SLC25A40: variants seen among roughly 807,000 people sequenced by gnomAD.
SLC25A40 encodes the protein mitochondrial glutathione transporter SLC25A40.
SLC25A40 carries 41 observed loss-of-function variants against 46.5 expected under a neutral mutation model. The observed-to-expected ratio is 0.88, with a 90% confidence interval of 0.69 to 1.14. SLC25A40 has a LOEUF of 1.14. SLC25A40 is among the 50% of genes most tolerant of loss of function. The pLI, the probability that SLC25A40 is intolerant of heterozygous loss-of-function variation, is 0.00. For missense variants in SLC25A40, 386 were observed against 393.6 expected (o/e 0.98, Z 0.16); for synonymous variants, 126 against 127.5 (o/e 0.99, Z 0.08).
At chr7:87,859,101 A>T (rs551735260) in intron 2 of SLC25A40, among the ~76,000 whole-genome samples, 5 of 152,352 alleles carry the variant, frequency 3.3e-5, no homozygotes, top group African/African-American at 9.6e-5. Context: ...AAACATAAAA[A>T]GTTTTAAAAA....
chr7:87,865,889 A>G (rs1838787573), intron 1 of SLC25A40, among the ~76,000 whole-genome samples: 1 of 151,986 alleles, frequency 6.6e-6, no homozygotes, highest in South Asian at 2.1e-4. Flanking sequence ...GAAGACCAGC[A>G]TGGGCAACAT....
intron 1 of SLC25A40, among the ~76,000 whole-genome samples, chr7:87,869,504 G>A (rs987145889): frequency 2.0e-5 from 3 of 151,528 alleles, no homozygotes; most frequent in African/African-American, 7.3e-5. Context: ...ATGCCAGCCT[G>A]GGTGTCAAAG....
Position 87,856,363 on chromosome 7 carries a change from T to C in SLC25A40, c.98-12A>G, listed in dbSNP as rs373539749. On this transcript the variant is annotated splice_polypyrimidine_tract_variant and intron_variant, in intron 3 of 11. Coordinates refer to ENST00000341119, the MANE Select transcript of SLC25A40 (RefSeq NM_018843.4). Reference sequence around the variant, plus strand: ...ATCCAGGGGTGTCACTATGAAGATATGTTAAGTTTCAATTAGCGAGTGGTA... The same window carrying C: ...ATCCAGGGGTGTCACTATGAAGATACGTTAAGTTTCAATTAGCGAGTGGTA... The C allele has an allele frequency of 2.6e-5, 42 of 1,610,974 alleles. No individual in the cohort carries two copies. In the East Asian group the frequency reaches 4.2e-4, roughly 16 times the overall value.
chr7:87,837,624 A>G (rs1175885682), intron 10 of SLC25A40, among the ~76,000 whole-genome samples: 1 of 151,430 alleles, frequency 6.6e-6, no homozygotes, highest in Non-Finnish European at 1.5e-5. Context: ...GCTTATGAAT[A>G]TAATGTTTAT....
rs1208572235 is a variant in SLC25A40, at chr7:87,835,873, C to G, written c.*376G>C. On this transcript the variant is annotated 3_prime_UTR_variant, in exon 12 of 12. Transcript: ENST00000341119. ...ATGTGCACAAGACTTGGGCTTTTTTCTTCTAGACTATGTACATCATTCAGC... is the reference window on the plus strand; with the variant it reads ...ATGTGCACAAGACTTGGGCTTTTTTGTTCTAGACTATGTACATCATTCAGC... 2 of 160,086 alleles carry G rather than the reference C, an allele frequency of 1.2e-5. No homozygotes were observed. The highest frequency in any genetic ancestry group is 4.8e-5 in the African/African-American group (2 of 41,510). The allele number at this position is 160,086 out of a possible 1,614,324, so 9.9% of individuals were successfully genotyped here.
intron 10 of SLC25A40, among the ~76,000 whole-genome samples, chr7:87,838,463 A>G (rs1562741018): frequency 1.3e-5 from 2 of 151,548 alleles, no homozygotes; most frequent in South Asian, 4.1e-4. Context: ...AGCTACTCCT[A>G]CAGGTAATAA....
chr7:87,866,441 T>C (rs1838800263), intron 1 of SLC25A40, among the ~76,000 whole-genome samples: 1 of 152,220 alleles, frequency 6.6e-6, no homozygotes, highest in South Asian at 2.1e-4. Flanking sequence ...GTTACTTGAT[T>C]CTTTTCTTCT....
rs183833100 is a variant in SLC25A40 at position 87,835,654 on chromosome 7, C to A, written c.*595G>T. On this transcript the variant is annotated 3_prime_UTR_variant, in exon 12 of 12. Coordinates refer to ENST00000341119, the MANE Select transcript of SLC25A40 (RefSeq NM_018843.4). The stretch of plus-strand genomic sequence containing the variant: ...TTATGGTTCATAAGGAAAACAGCCA[C>A]AATTTTGATCAGAGAAATGTTAATA... 6.6e-6 allele frequency: 1 copy of A among 151,576 alleles called. No homozygotes were observed. The highest frequency in any genetic ancestry group is 1.5e-5 in the Non-Finnish European group (1 of 67,610). 9.4% of individuals were successfully genotyped at this position (151,576 alleles called of 1,614,324 possible).
intron 1 of SLC25A40, among the ~76,000 whole-genome samples, chr7:87,864,887 T>C (rs1838764491): frequency 6.6e-6 from 1 of 152,182 alleles, no homozygotes; most frequent in Admixed American, 6.5e-5. Flanking sequence ...TCTCCTCTTC[T>C]TTTCTTCCAT....
intron 1 of SLC25A40, among the ~76,000 whole-genome samples, chr7:87,866,532 T>C (rs566834317): frequency 6.6e-6 from 1 of 152,322 alleles, no homozygotes; most frequent in African/African-American, 2.4e-5. Context: ...GTTTCTGGGG[T>C]GCCAGTTGAG....
rs1180231551 is a variant in SLC25A40, at chr7:87,835,229, T to C, written c.*1020A>G. ...AATGATAAGCTAAATTATTTAGACA[T>C]GTATGGTGACTGAAAGCAATGTCTT... On this transcript the variant is annotated 3_prime_UTR_variant, in exon 12 of 12. Transcript: ENST00000341119. The C allele has an allele frequency of 1.3e-5, 2 of 151,644 alleles. No homozygotes were observed. The highest frequency in any genetic ancestry group is 3.0e-5 in the Non-Finnish European group (2 of 67,690). The allele number at this position is 151,644 out of a possible 1,614,324, so 9.4% of individuals were successfully genotyped here.
chr7:87,854,738 G>A (rs1156710224), intron 4 of SLC25A40, among the ~76,000 whole-genome samples: 1 of 151,098 alleles, frequency 6.6e-6, no homozygotes, highest in Non-Finnish European at 1.5e-5. Flanking sequence ...CGTGAACCCG[G>A]GAGGCAGAGC....
At chr7:87,848,254 C>T (rs76787447) in intron 6 of SLC25A40, among the ~76,000 whole-genome samples, 21 of 152,134 alleles carry the variant, frequency 1.4e-4, no homozygotes, top group African/African-American at 4.3e-4. Flanking sequence ...ATTAAGTAAG[C>T]GCTAGCATGG....
At position 87,836,362 on chromosome 7, in the gene SLC25A40, C is replaced by T. The variant is rs1476539039; in HGVS notation, c.905-1G>A. ...ATTTTAATTAAGCGAGGAATTAGGC[C>T]TGAGAAAAGAATAGGAATAATCAAA... On this transcript the variant is annotated splice_acceptor_variant, in intron 11 of 11. Coordinates refer to ENST00000341119, the MANE Select transcript of SLC25A40 (RefSeq NM_018843.4). LOFTEE classifies it high-confidence loss of function. The T allele has an allele frequency of 1.3e-6, 2 of 1,503,090 alleles. No individual in the cohort carries two copies. Among genetic ancestry groups the T allele is most frequent in the Non-Finnish European group, 1.8e-6 (2 of 1,125,074 alleles). The allele number at this position is 1,503,090 out of a possible 1,614,324, so 93.1% of individuals were successfully genotyped here. A position where few individuals can be genotyped will look rare whatever the true frequency, so the allele number is the denominator to read the frequency against.
At chr7:87,857,416 G>A (rs1287048094) in intron 3 of SLC25A40, among the ~76,000 whole-genome samples, 2 of 152,166 alleles carry the variant, frequency 1.3e-5, no homozygotes, top group East Asian at 1.9e-4. Flanking sequence ...TATTCACCGT[G>A]AGAATGGCAA....
chr7:87,874,405 T>G (rs558023108), intron 1 of SLC25A40, among the ~76,000 whole-genome samples: 3 of 152,206 alleles, frequency 2.0e-5, no homozygotes, highest in South Asian at 2.1e-4. Context: ...CAGTCTTCCC[T>G]TCATTATACT....
chr7:87,847,790 T>C, intron 7 of SLC25A40, 63 bp downstream of exon 7: 2 of 1,494,708 alleles, frequency 1.3e-6, no homozygotes, highest in Non-Finnish European at 9.0e-7. Flanking sequence ...TATCTGTGAA[T>C]GTCACAACTT....
chr7:87,865,504 C>T (rs979270180), intron 1 of SLC25A40, among the ~76,000 whole-genome samples: 2 of 152,226 alleles, frequency 1.3e-5, no homozygotes, highest in African/African-American at 4.8e-5. Context: ...GGTACAGTGG[C>T]TGAGGCCTAT....
intron 1 of SLC25A40, among the ~76,000 whole-genome samples, chr7:87,860,862 T>TCTG (rs1213386482): frequency 1.3e-5 from 2 of 152,170 alleles, no homozygotes; most frequent in Non-Finnish European, 2.9e-5. Context: ...GTTAATATAC[T>TCTG]CTGCTTTAAA....
Sources: allele counts gnomAD v4.1 joint callset (sites outside exome capture counted in the v4.1 genomes callset), GRCh38; gene constraint gnomAD v4.1.1; transcripts MANE v1.5; gene names NCBI Gene and HGNC (gene_info 2026-07-23, HGNC 2026-07-21).